PTPRN2: variants seen among roughly 807,000 people sequenced by gnomAD.
PTPRN2 encodes the protein receptor-type tyrosine-protein phosphatase N2.
A neutral mutation model predicts 118.8 loss-of-function variants in PTPRN2; 74 were observed. The ratio of observed to expected loss-of-function variants is 0.62; its 90% CI spans 0.52 to 0.76. The LOEUF (loss-of-function observed/expected upper bound fraction) is 0.76. Among genes scored for constraint, PTPRN2 ranks in the 30% least tolerant of loss-of-function variants. PTPRN2 has a pLI of 0.00. For missense variants in PTPRN2, 1,481 were observed against 1,394.4 expected, an observed-to-expected ratio of 1.06 and a Z score of -0.99; for synonymous variants, 641 against 608.0, an observed-to-expected ratio of 1.05 and a Z score of -0.80.
chr7:157,720,076 A>C (rs1447725323), intron 12 of PTPRN2, among the ~76,000 whole-genome samples: 1 of 152,224 alleles, frequency 6.6e-6, no homozygotes, highest in Non-Finnish European at 1.5e-5. Context: ...TTTGGAATTT[A>C]GGGGAAAGAA....
At chr7:157,955,740 G>A (rs145169446) in intron 11 of PTPRN2, among the ~76,000 whole-genome samples, 1 of 152,318 alleles carries the variant, frequency 6.6e-6, no homozygotes, top group East Asian at 1.9e-4. Flanking sequence ...GGGTGCTAGG[G>A]CGGACACCCT....
At chr7:158,519,954 C>T (rs1295540442) in intron 1 of PTPRN2, among the ~76,000 whole-genome samples, 1 of 152,220 alleles carries the variant, frequency 6.6e-6, no homozygotes, top group African/African-American at 2.4e-5. Context: ...CTGTTCAGTG[C>T]AATGACTACT....
At chr7:157,877,480 G>T (rs906339642) in intron 12 of PTPRN2, among the ~76,000 whole-genome samples, 1 of 135,166 alleles carries the variant, frequency 7.4e-6, no homozygotes, top group Non-Finnish European at 1.6e-5. Context: ...TGAGTGCAGC[G>T]CCAGGGTTTC....
rs1585667022 is a variant in PTPRN2 at position 158,155,562 on chromosome 7, T to TTGC, written c.910+11368_910+11369insGCA. Among the ~76,000 whole-genome samples, 58 of 78,286 alleles carry TTGC rather than the reference T, an allele frequency of 7.4e-4. 2 individuals carry two copies. The East Asian group carries it at 9.8e-3, about 13-fold the overall frequency. The allele number at this position is 78,286 out of a possible 152,430, so 51.4% of individuals were successfully genotyped here. A position where few individuals can be genotyped will look rare whatever the true frequency, so the allele number is the denominator to read the frequency against. On this transcript the variant is annotated intron_variant, in intron 6 of 22. Coordinates refer to ENST00000389418, the MANE Select transcript of PTPRN2 (RefSeq NM_002847.5). ...ATCATCACCATCAACACCATCATCA[T>TTGC]CATTGCCATCATCACCATCACCATC...
intron 11 of PTPRN2, among the ~76,000 whole-genome samples, chr7:157,970,152 T>C (rs1298657814): frequency 6.6e-6 from 1 of 152,178 alleles, no homozygotes; most frequent in East Asian, 1.9e-4. Context: ...CTCAGTTTTG[T>C]ATTAGACACT....
chr7:158,108,681 T>C (rs1414515620), intron 10 of PTPRN2, among the ~76,000 whole-genome samples: 1 of 152,234 alleles, frequency 6.6e-6, no homozygotes, highest in Non-Finnish European at 1.5e-5. Context: ...AGATTTCTAC[T>C]TCTAGAAACT....
chr7:158,130,390 C>T (rs1030793638), intron 9 of PTPRN2, among the ~76,000 whole-genome samples: 1 of 149,740 alleles, frequency 6.7e-6, no homozygotes, highest in African/African-American at 2.5e-5. Context: ...CATATGCACA[C>T]ACTTCTACCC....
At chr7:158,547,037 G>A (rs1341156083) in intron 1 of PTPRN2, among the ~76,000 whole-genome samples, 3 of 152,174 alleles carry the variant, frequency 2.0e-5, no homozygotes, top group African/African-American at 7.2e-5. Flanking sequence ...CTCCTGCCAG[G>A]CAAGGCCCCC....
At chr7:158,046,427 C>T (rs757209220) in intron 11 of PTPRN2, among the ~76,000 whole-genome samples, 7 of 150,030 alleles carry the variant, frequency 4.7e-5, no homozygotes, top group Middle Eastern at 3.5e-3. Flanking sequence ...GCAGAAACTG[C>T]GATCCTGGCA....
At chr7:157,799,123 G>A (rs572049280) in intron 12 of PTPRN2, among the ~76,000 whole-genome samples, 1 of 152,306 alleles carries the variant, frequency 6.6e-6, no homozygotes, top group Non-Finnish European at 1.5e-5. Context: ...GGTTGCAGCT[G>A]GGCCTGGCCC....
chr7:157,662,557 G>A (rs1795943638), intron 13 of PTPRN2, among the ~76,000 whole-genome samples: 1 of 152,234 alleles, frequency 6.6e-6, no homozygotes, highest in Admixed American at 6.5e-5. Context: ...TGAACTTGAG[G>A]TCAAAGAAAG....
At chr7:158,243,608 G>A (rs1191590908) in intron 3 of PTPRN2, among the ~76,000 whole-genome samples, 1 of 152,174 alleles carries the variant, frequency 6.6e-6, no homozygotes, top group Non-Finnish European at 1.5e-5. Context: ...AGCCCACAAA[G>A]GTTGATTTGG....
intron 2 of PTPRN2, among the ~76,000 whole-genome samples, chr7:158,328,303 G>A (rs893377136): frequency 1.3e-5 from 2 of 152,240 alleles, no homozygotes; most frequent in African/African-American, 4.8e-5. Flanking sequence ...AGGAGCCGTT[G>A]GATCCGTGGG....
chr7:158,429,147 C>G (rs938913805), intron 2 of PTPRN2, among the ~76,000 whole-genome samples: 1 of 152,186 alleles, frequency 6.6e-6, no homozygotes, highest in East Asian at 1.9e-4. Flanking sequence ...CGATGTGTTT[C>G]GGAGGTGCCC....
intron 2 of PTPRN2, among the ~76,000 whole-genome samples, chr7:158,358,558 C>T (rs1180871725): frequency 1.3e-5 from 2 of 152,210 alleles, no homozygotes; most frequent in East Asian, 1.9e-4. Flanking sequence ...ACAACCCAGG[C>T]GCCCAGCAGC....
chr7:157,865,414 C>A (rs527718289), intron 12 of PTPRN2: 1 of 152,304 alleles, frequency 6.6e-6, no homozygotes, highest in Admixed American at 6.5e-5. Context: ...AGGTGGGTGA[C>A]CCCACCTCAC....
chr7:157,675,128 T>G (rs987344992), intron 13 of PTPRN2, among the ~76,000 whole-genome samples: 2 of 152,188 alleles, frequency 1.3e-5, no homozygotes, highest in African/African-American at 4.8e-5. Context: ...TCCACTTTTT[T>G]ACACTTCCCT....
chr7:157,609,764 G>A lies in PTPRN2; in HGVS notation c.2345-5689C>T, dbSNP rs1188026206. On this transcript the variant is annotated intron_variant, in intron 15 of 22. Transcript: ENST00000389418. The surrounding 1 kb of genome is among the most constrained non-coding windows in gnomAD (Gnocchi z 4.9). Reference sequence around the variant, plus strand: ...GCAAGGCTGAGATGACGGTGGACACGCACCCAACTGCGCAGGTCAGCCAAG... The same window carrying A: ...GCAAGGCTGAGATGACGGTGGACACACACCCAACTGCGCAGGTCAGCCAAG... Among the ~76,000 whole-genome samples, 2 of 152,212 alleles carry A rather than the reference G, an allele frequency of 1.3e-5. No homozygotes were observed. Among genetic ancestry groups the A allele is most frequent in the African/African-American group, 4.8e-5 (2 of 41,456 alleles).
chr7:158,581,399 G>A (rs909273361), intron 1 of PTPRN2, among the ~76,000 whole-genome samples: 5 of 152,202 alleles, frequency 3.3e-5, no homozygotes, highest in Non-Finnish European at 5.9e-5. Flanking sequence ...GGGAGAGGCT[G>A]TCACTGTGAA....
Sources: gnomAD v4.1 joint callset for allele counts (sites outside exome capture counted in the v4.1 genomes callset) on GRCh38, gnomAD v4.1.1 for gene constraint, Gnocchi (gnomAD v3.1) non-coding constraint, MANE v1.5 for transcripts, NCBI Gene and HGNC (gene_info 2026-07-23, HGNC 2026-07-21) for gene names.